The following PRPSAP1 variants were observed in gnomAD, a reference collection of about 807,000 sequenced individuals.
PRPSAP1 encodes phosphoribosyl pyrophosphate synthase-associated protein 1.
PRPSAP1 carries 31 observed loss-of-function variants against 39.4 expected under a neutral mutation model. The ratio of observed to expected loss-of-function variants is 0.79; its 90% CI spans 0.59 to 1.06. The LOEUF is 1.06. PRPSAP1 is among the 50% of genes least tolerant of loss of function. PRPSAP1 has a pLI of 0.00. For missense variants in PRPSAP1, 430 were observed against 511.6 expected (o/e 0.84, Z 1.54); for synonymous variants, 212 against 192.6 (o/e 1.10, Z -0.83).
chr17:76,342,006 A>G (rs1460273396), intron 3 of PRPSAP1, among the ~76,000 whole-genome samples: 1 of 152,154 alleles, frequency 6.6e-6, no homozygotes. Context: ...GGAGGCAAAC[A>G]ATACAAAACC....
At chr17:76,351,725 G>A (rs749423661) in intron 1 of PRPSAP1, among the ~76,000 whole-genome samples, 17 of 152,098 alleles carry the variant, frequency 1.1e-4, no homozygotes, top group Non-Finnish European at 1.6e-4. Flanking sequence ...CTTACTGAGC[G>A]ACAAGTAAAA....
intron 7 of PRPSAP1, among the ~76,000 whole-genome samples, chr17:76,320,473 G>GGA (rs898895989): frequency 5.7e-5 from 7 of 122,554 alleles, no homozygotes; most frequent in South Asian, 5.2e-4. Flanking sequence ...TGCCCAGGTT[G>GGA]GAGTGCAGTG....
intron 7 of PRPSAP1, among the ~76,000 whole-genome samples, chr17:76,316,292 C>G (rs1034457171): frequency 1.3e-5 from 2 of 149,812 alleles, no homozygotes; most frequent in Non-Finnish European, 3.0e-5. Flanking sequence ...TATTTGTTTA[C>G]TTTTTTGCAA....
intron 3 of PRPSAP1, among the ~76,000 whole-genome samples, chr17:76,340,036 C>T (rs1253750185): frequency 2.7e-5 from 4 of 149,680 alleles, no homozygotes; most frequent in South Asian, 4.2e-4. Context: ...GAGGGTAAGA[C>T]GGTGGGTGCT....
chr17:76,329,087 T>TC (rs1401980168), intron 6 of PRPSAP1: 18 of 463,926 alleles, frequency 3.9e-5, no homozygotes, highest in African/African-American at 2.8e-4. Flanking sequence ...TTTTTTTTTT[T>TC]TTGAGACAAG....
At chr17:76,346,689 A>C (rs1278134116) in intron 2 of PRPSAP1, among the ~76,000 whole-genome samples, 2 of 152,200 alleles carry the variant, frequency 1.3e-5, no homozygotes, top group African/African-American at 4.8e-5. Context: ...AACATGCTAA[A>C]TGTTCACTGG....
intron 3 of PRPSAP1, among the ~76,000 whole-genome samples, chr17:76,336,159 T>TTTC (rs1247603090): frequency 1.3e-5 from 2 of 152,160 alleles, no homozygotes; most frequent in African/African-American, 4.8e-5. Context: ...TAATAAGCAA[T>TTTC]TTCTGGGCCG....
intron 7 of PRPSAP1, among the ~76,000 whole-genome samples, chr17:76,323,457 T>A (rs1399972048): frequency 6.6e-6 from 1 of 151,640 alleles, no homozygotes; most frequent in African/African-American, 2.4e-5. Flanking sequence ...CTAGATGCCA[T>A]GAAGAACACG....
chr17:76,330,313 C>T (rs768972396), intron 5 of PRPSAP1: 3 of 600,272 alleles, frequency 5.0e-6, no homozygotes, highest in Non-Finnish European at 8.6e-6. Context: ...ATTCTTAAAA[C>T]ATTCATTTTA....
chr17:76,323,252 G>A lies in PRPSAP1; in HGVS notation c.781+5465C>T, dbSNP rs568184474. Among the ~76,000 whole-genome samples, 419 of 138,602 alleles carry A rather than the reference G, an allele frequency of 3.0e-3. 9 individuals carry two copies. The highest frequency in any genetic ancestry group is 2.1e-3 in the Non-Finnish European group (139 of 65,150). The allele number at this position is 138,602 out of a possible 152,430, so 90.9% of individuals were successfully genotyped here. A position where few individuals can be genotyped will look rare whatever the true frequency, so the allele number is the denominator to read the frequency against. Reference sequence around the variant, plus strand: ...AGAAACTCGAGAGAATGAGGCACGAGAATCACCTGAACCTGGAAAGCAGAG... The same window carrying A: ...AGAAACTCGAGAGAATGAGGCACGAAAATCACCTGAACCTGGAAAGCAGAG... On this transcript the variant is annotated intron_variant, in intron 7 of 9. Transcript: ENST00000446526.
intron 3 of PRPSAP1, among the ~76,000 whole-genome samples, chr17:76,340,920 G>A (rs796303183): frequency 7.9e-5 from 12 of 151,252 alleles, no homozygotes; most frequent in African/African-American, 2.9e-4. Context: ...AAAAAAAGCG[G>A]GGGGTAGGGG....
chr17:76,330,117 T>C lies in PRPSAP1; in HGVS notation c.580-19A>G, dbSNP rs371577670. ...TTGGAATCTAGATTTGAAGGAAAAATAGAAAATACTGAAAAGTTATCAGAA... is the reference window on the plus strand; with the variant it reads ...TTGGAATCTAGATTTGAAGGAAAAACAGAAAATACTGAAAAGTTATCAGAA... On this transcript the variant is annotated intron_variant, in intron 5 of 9. Transcript: ENST00000446526. 22 of 1,600,286 alleles carry C rather than the reference T, an allele frequency of 1.4e-5. No homozygotes were observed. Among genetic ancestry groups the C allele is most frequent in the East Asian group, 2.2e-5 (1 of 44,808 alleles).
intron 3 of PRPSAP1, among the ~76,000 whole-genome samples, chr17:76,336,328 C>T (rs1421127467): frequency 6.6e-6 from 1 of 151,426 alleles, no homozygotes; most frequent in African/African-American, 2.4e-5. Flanking sequence ...ATCCCAGCTA[C>T]TTGGGAGGCT....
At chr17:76,330,175 CCT>C (rs2071305500) in intron 5 of PRPSAP1, 77 bp from the exon 6 acceptor site, 7 of 1,324,166 alleles carry the variant, frequency 5.3e-6, no homozygotes, top group Non-Finnish European at 7.6e-6. Flanking sequence ...TCAAGTTTTC[CCT>C]CTTATAATGA....
At chr17:76,321,884 TAC>T (rs34305513) in intron 7 of PRPSAP1, among the ~76,000 whole-genome samples, 44,473 of 151,860 alleles carry the variant, frequency 0.29, 7,486 homozygotes, top group African/African-American at 0.46. Context: ...TTATTACTGA[TAC>T]AGAGAAGTTT....
In PRPSAP1 at chr17:76,330,538, G is replaced by T. The variant is rs2071310668; in HGVS notation, c.579+13C>A. The T allele has an allele frequency of 2.6e-6, 4 of 1,543,534 alleles. No individual in the cohort carries two copies. The highest frequency in any genetic ancestry group is 3.6e-6 in the Non-Finnish European group (4 of 1,124,260). On this transcript the variant is annotated intron_variant, in intron 5 of 9. Transcript: ENST00000446526. ...TTTTGAGGACAATGGGGTGTTTGCT[G>T]GTGGTTCCTCACTTCTTCCTGGATA...
At chr17:76,336,732 C>CAAAAA (rs57399038) in intron 3 of PRPSAP1, among the ~76,000 whole-genome samples, 2 of 63,332 alleles carry the variant, frequency 3.2e-5, no homozygotes, top group Admixed American at 4.0e-4. Context: ...AACTCCATCT[C>CAAAAA]AAAAAAAAAA....
intron 7 of PRPSAP1, among the ~76,000 whole-genome samples, chr17:76,319,919 C>T (rs2071170963): frequency 1.3e-5 from 2 of 152,058 alleles, no homozygotes; most frequent in Admixed American, 1.3e-4. Flanking sequence ...GCCAAAAGAA[C>T]ACAGGAGGCA....
In PRPSAP1 at chr17:76,351,986, G is replaced by A. The variant is rs188776976; in HGVS notation, c.170+1548C>T. On this transcript the variant is annotated intron_variant, in intron 1 of 9. Coordinates refer to ENST00000446526, the MANE Select transcript of PRPSAP1 (RefSeq NM_002766.3). ...AAGAAAGACAAACAATCAGGGGTTA[G>A]AAATAGAAACTAGGTAGTAGACTGC... is the stretch of plus-strand genomic sequence containing the variant. Among the ~76,000 whole-genome samples the A allele has an allele frequency of 4.6e-3, 695 of 151,270 alleles. 4 individuals are homozygous for A. The highest frequency in any genetic ancestry group is 8.3e-3 in the Non-Finnish European group (567 of 67,908).
Sources: allele counts gnomAD v4.1 joint callset (sites outside exome capture counted in the v4.1 genomes callset), GRCh38; gene constraint gnomAD v4.1.1; transcripts MANE v1.5; gene names NCBI Gene and HGNC (gene_info 2026-07-23, HGNC 2026-07-21).